The following ZBTB17 variants were observed in gnomAD, a reference collection of about 807,000 sequenced individuals.
The protein encoded by ZBTB17 is zinc finger and BTB domain containing 17.
Under a neutral mutation model 85.1 loss-of-function variants are expected in ZBTB17, and 24 were observed. The observed-to-expected ratio is 0.28, with a 90% CI of 0.20 to 0.40. The LOEUF is 0.40. Ranked by LOEUF, ZBTB17 falls within the 10% of genes least tolerant of loss-of-function variation. The probability of loss-of-function intolerance (pLI) is 1.00; values close to 1 mark genes in which losing one functional copy is unlikely to be tolerated. For missense variants in ZBTB17, 743 were observed against 1,105.1 expected, an observed-to-expected ratio of 0.67 and a Z score of 4.65; for synonymous variants, 464 against 460.2, an observed-to-expected ratio of 1.01 and a Z score of -0.11.
At chr1:15,946,024 AT>A (rs1452425267) in intron 5 of ZBTB17, 129 bp downstream of exon 5, 6 of 1,559,298 alleles carry the variant, frequency 3.8e-6, no homozygotes, top group Non-Finnish European at 5.2e-6. Flanking sequence ...ACAATAGGTC[AT>A]TCTGGGTAAC....
chr1:15,975,850 C>T, intron 1 of ZBTB17, 133 bp downstream of exon 1: 2 of 598,970 alleles, frequency 3.3e-6, no homozygotes. Flanking sequence ...CCCTCAGCCC[C>T]GGTTGGCGTC....
At chr1:15,948,955 C>T (rs1278129828) in intron 2 of ZBTB17, among the ~76,000 whole-genome samples, 3 of 152,158 alleles carry the variant, frequency 2.0e-5, no homozygotes, top group Non-Finnish European at 2.9e-5. Context: ...GAAAACTTTC[C>T]TATTTTCTCA....
In ZBTB17 at chr1:15,964,392, C is replaced by T. The variant is rs2072366830; in HGVS notation, c.-3+8647G>A. Among the ~76,000 whole-genome samples, 1 of 152,170 alleles carries T rather than the reference C, an allele frequency of 6.6e-6. No homozygotes were observed. Among genetic ancestry groups the T allele is most frequent in the Non-Finnish European group, 1.5e-5 (1 of 68,038 alleles). The stretch of plus-strand genomic sequence containing the variant: ...TGCAAATTCTAATAAAACATACCAA[C>T]AATTTTTATGGCATTTGACAAATGT... On this transcript the variant is annotated intron_variant, in intron 2 of 15. Coordinates refer to ENST00000375743, the MANE Select transcript of ZBTB17 (RefSeq NM_003443.3). The surrounding 1 kb of genome is among the most constrained non-coding windows in gnomAD (Gnocchi z 4.3).
chr1:15,967,302 G>A (rs1419005166), intron 2 of ZBTB17, among the ~76,000 whole-genome samples: 2 of 152,006 alleles, frequency 1.3e-5, no homozygotes, highest in East Asian at 3.9e-4. Flanking sequence ...CTTGAGCCAG[G>A]GAGGTCGAGG....
chr1:15,975,317 G>GA (rs1341550646), intron 1 of ZBTB17, among the ~76,000 whole-genome samples: 1 of 152,178 alleles, frequency 6.6e-6, no homozygotes, highest in African/African-American at 2.4e-5. Context: ...CAGGCAGAGA[G>GA]AAAAAGCCAA....
chr1:15,974,546 T>A (rs1012611634), intron 1 of ZBTB17, among the ~76,000 whole-genome samples: 1 of 151,498 alleles, frequency 6.6e-6, no homozygotes, highest in African/African-American at 2.4e-5. Context: ...CAACGTCCCC[T>A]AAGACCAGAC....
intron 2 of ZBTB17, 60 bp from the exon 3 acceptor site, chr1:15,948,557 C>A (rs112121101): frequency 1.5e-5 from 23 of 1,537,770 alleles, no homozygotes; most frequent in Non-Finnish European, 2.0e-5. Context: ...ACACGCTCAA[C>A]AGTCACTCCT....
intron 2 of ZBTB17, among the ~76,000 whole-genome samples, chr1:15,971,474 C>CTA (rs1158483484): frequency 1.0e-5 from 1 of 95,696 alleles, no homozygotes; most frequent in Non-Finnish European, 2.3e-5. Flanking sequence ...TACACACACA[C>CTA]TATATATATA....
chr1:15,965,517 T>G (rs2072411252), intron 2 of ZBTB17, among the ~76,000 whole-genome samples: 1 of 152,228 alleles, frequency 6.6e-6, no homozygotes, highest in African/African-American at 2.4e-5. Flanking sequence ...GAAACAGTTT[T>G]GGCAACAACT....
intron 12 of ZBTB17, 91 bp downstream of exon 12, chr1:15,943,308 C>T: frequency 6.3e-7 from 1 of 1,589,946 alleles, no homozygotes; most frequent in Non-Finnish European, 8.6e-7. Flanking sequence ...GGGCAGCAGT[C>T]AGCTCAGTCC....
At chr1:15,943,331 CCA>C (rs2071438833) in intron 12 of ZBTB17, 66 bp downstream of exon 12, 1 of 1,582,824 alleles carries the variant, frequency 6.3e-7, no homozygotes, top group Non-Finnish European at 8.6e-7. Flanking sequence ...AGCCAAGCCC[CCA>C]GTTTGTCTTC....
At chr1:15,946,316 C>T (rs766502284) in intron 4 of ZBTB17, 22 bp from the exon 5 acceptor site, 1 of 1,595,946 alleles carries the variant, frequency 6.3e-7, no homozygotes, top group Admixed American at 1.7e-5. Context: ...ACAGGGCAGA[C>T]CTGCCGTTTC....
intron 2 of ZBTB17, among the ~76,000 whole-genome samples, chr1:15,949,855 G>C (rs1243188711): frequency 1.3e-5 from 2 of 152,228 alleles, no homozygotes; most frequent in Non-Finnish European, 2.9e-5. Context: ...CTTTTCACAA[G>C]TGGGGGTATC....
intron 2 of ZBTB17, among the ~76,000 whole-genome samples, chr1:15,949,786 C>T (rs2071762441): frequency 6.6e-6 from 1 of 152,244 alleles, no homozygotes. Context: ...ACGCCCCTCA[C>T]ACCAGCACAG....
rs1178124967 is a variant in ZBTB17 at position 15,942,753 on chromosome 1, TTC to T, written c.1829-17_1829-16del. 6.2e-7 allele frequency: 1 copy of T among 1,612,404 alleles called. No individual in the cohort carries two copies. Among genetic ancestry groups the T allele is most frequent in the African/African-American group, 1.3e-5 (1 of 75,004 alleles). ...AGGCTTCTCTCCTGGGGGAGCAAGG[TTC>T]TCTCTTGCCTTTGTGGGAAGGGGCC... On this transcript the variant is annotated splice_polypyrimidine_tract_variant and intron_variant, in intron 13 of 15. Transcript: ENST00000375743.
rs1391474779 is a variant in ZBTB17, at chr1:15,975,969, T to C, written c.-90+14A>G. The C allele has an allele frequency of 1.4e-6, 1 of 699,446 alleles. No individual in the cohort carries two copies. The highest frequency in any genetic ancestry group is 2.7e-5 in the East Asian group (1 of 36,954). 43.3% of individuals were successfully genotyped at this position (699,446 alleles called of 1,614,324 possible). A position where few individuals can be genotyped will look rare whatever the true frequency, so the allele number is the denominator to read the frequency against. On this transcript the variant is annotated intron_variant, in intron 1 of 15. Coordinates refer to ENST00000375743, the MANE Select transcript of ZBTB17 (RefSeq NM_003443.3). ...CCGGGACTTCCCCGGCCCCGGGCGA[T>C]TGTTGACACTCACCTGCCATGTCCC...
intron 2 of ZBTB17, among the ~76,000 whole-genome samples, chr1:15,971,438 C>CACACTA (rs1557799575): frequency 1.8e-4 from 16 of 87,892 alleles, no homozygotes; most frequent in African/African-American, 3.7e-4. Flanking sequence ...TACACACACA[C>CACACTA]TATATATATA....
At chr1:15,974,900 ATCTC>A (rs1249086761) in intron 1 of ZBTB17, among the ~76,000 whole-genome samples, 1 of 152,042 alleles carries the variant, frequency 6.6e-6, no homozygotes, top group Non-Finnish European at 1.5e-5. Flanking sequence ...ATTTAGCCTG[ATCTC>A]TCTCTCCTCT....
At chr1:15,965,389 A>G (rs2148806078) in intron 2 of ZBTB17, among the ~76,000 whole-genome samples, 1 of 152,312 alleles carries the variant, frequency 6.6e-6, no homozygotes, top group South Asian at 2.1e-4. Context: ...GGAAAATGCA[A>G]ATCAAAACCA....
Sources: gnomAD v4.1 joint callset for allele counts (sites outside exome capture counted in the v4.1 genomes callset) on GRCh38, gnomAD v4.1.1 for gene constraint, Gnocchi (gnomAD v3.1) non-coding constraint, MANE v1.5 for transcripts, NCBI Gene and HGNC (gene_info 2026-07-23, HGNC 2026-07-21) for gene names.